The following ELP4 variants were observed in gnomAD, a reference collection of about 807,000 sequenced individuals.
ELP4 encodes elongator acetyltransferase complex subunit 4.
ELP4 carries 51 observed loss-of-function variants against 48.9 expected under a neutral mutation model. That is an observed-to-expected ratio of 1.04 (90% CI 0.83 to 1.32). The LOEUF (loss-of-function observed/expected upper bound fraction) is 1.32. ELP4 is among the 40% of genes most tolerant of loss of function. The pLI, the probability that ELP4 is intolerant of heterozygous loss-of-function variation, is 0.00. For synonymous variants in ELP4, 210 were observed against 189.2 expected, an observed-to-expected ratio of 1.11 and a Z score of -0.90; for missense variants, 519 against 514.6, an observed-to-expected ratio of 1.01 and a Z score of -0.08.
intron 5 of ELP4, among the ~76,000 whole-genome samples, chr11:31,610,519 C>T (rs544069960): frequency 2.6e-5 from 4 of 152,166 alleles, no homozygotes; most frequent in African/African-American, 4.8e-5. Context: ...TCCCTTCCCC[C>T]CTCCGTATTC....
At chr11:31,760,076 T>C (rs1947913025) in intron 9 of ELP4, among the ~76,000 whole-genome samples, 4 of 152,206 alleles carry the variant, frequency 2.6e-5, no homozygotes, top group Admixed American at 1.3e-4. Context: ...ATCTGAGATA[T>C]TGATGAGCCT....
At chr11:31,636,840 A>G (rs1030528309) in intron 7 of ELP4, among the ~76,000 whole-genome samples, 3 of 152,088 alleles carry the variant, frequency 2.0e-5, no homozygotes, top group Non-Finnish European at 2.9e-5. Flanking sequence ...TAAATTCTAA[A>G]TATCTGTTAA....
At chr11:31,592,536 TAATA>T (rs1218363563) in intron 3 of ELP4, among the ~76,000 whole-genome samples, 6 of 149,058 alleles carry the variant, frequency 4.0e-5, no homozygotes, top group Admixed American at 1.3e-4. Context: ...TATGTATATA[TAATA>T]AATCTTATAA....
chr11:31,604,336 G>A (rs185000422), intron 5 of ELP4, among the ~76,000 whole-genome samples: 14 of 151,844 alleles, frequency 9.2e-5, no homozygotes, highest in Admixed American at 2.0e-4. Flanking sequence ...TTTTCAGAGC[G>A]TAAACAAGTA....
intron 3 of ELP4, among the ~76,000 whole-genome samples, chr11:31,543,486 A>C (rs946261449): frequency 2.6e-5 from 4 of 151,916 alleles, no homozygotes; most frequent in Non-Finnish European, 5.9e-5. Flanking sequence ...TGTCCGGCTA[A>C]TTTTTTGTAT....
At chr11:31,572,263 A>G (rs2133958005) in intron 3 of ELP4, among the ~76,000 whole-genome samples, 1 of 152,328 alleles carries the variant, frequency 6.6e-6, no homozygotes, top group Middle Eastern at 3.4e-3. Flanking sequence ...AAATCTCATG[A>G]ACTAACCTCT....
chr11:31,790,204 A>G lies in ELP4; in HGVS notation c.*6680A>G. The G allele has an allele frequency of 1.7e-6, 1 of 602,842 alleles. No homozygotes were observed. Among genetic ancestry groups the G allele is most frequent in the Non-Finnish European group, 2.9e-6 (1 of 347,056 alleles). 37.3% of individuals were successfully genotyped at this position (602,842 alleles called of 1,614,324 possible). A position where few individuals can be genotyped will look rare whatever the true frequency, so the allele number is the denominator to read the frequency against. On this transcript the variant is annotated 3_prime_UTR_variant, in exon 10 of 10. Transcript: ENST00000640961. ...GTAGCACCTTCAGAAACTAGACAAT[A>G]TATGTATATATACCTATTGGATCCC...
chr11:31,638,014 T>A (rs1945016964), intron 7 of ELP4, among the ~76,000 whole-genome samples: 1 of 151,928 alleles, frequency 6.6e-6, no homozygotes, highest in South Asian at 2.1e-4. Flanking sequence ...TACCTAAAAC[T>A]GTCAGGAAAT....
chr11:31,713,450 A>G (rs1449625189), intron 9 of ELP4, among the ~76,000 whole-genome samples: 1 of 152,206 alleles, frequency 6.6e-6, no homozygotes, highest in African/African-American at 2.4e-5. Context: ...AAGTATAATG[A>G]TTATACAAAC....
Position 31,627,194 on chromosome 11 carries a change from GGTAT to G in ELP4, c.738+1_738+4del. 7.4e-7 allele frequency: 1 copy of G among 1,358,284 alleles called. No homozygotes were observed. Among genetic ancestry groups the G allele is most frequent in the East Asian group, 3.4e-5 (1 of 29,766 alleles). 84.1% of individuals were successfully genotyped at this position (1,358,284 alleles called of 1,614,324 possible). On this transcript the variant is annotated splice_donor_variant and splice_donor_region_variant and intron_variant, in intron 6 of 9. Transcript: ENST00000640961. LOFTEE classifies it high-confidence loss of function. The stretch of plus-strand genomic sequence containing the variant: ...AAGGATTTGATGGATCCAATCCTCA[GGTAT>G]TAAATAGCTTCAAAGTCTTTTATAA...
intron 9 of ELP4, among the ~76,000 whole-genome samples, chr11:31,716,225 A>G (rs1191386886): frequency 6.6e-6 from 1 of 151,990 alleles, no homozygotes; most frequent in Non-Finnish European, 1.5e-5. Context: ...GTTGCCCAGG[A>G]TGGTGTCAAA....
At chr11:31,584,890 T>G (rs1423642418) in intron 3 of ELP4, among the ~76,000 whole-genome samples, 2 of 152,172 alleles carry the variant, frequency 1.3e-5, no homozygotes, top group Non-Finnish European at 2.9e-5. Context: ...TAGGCAGTTT[T>G]TATATAGTTA....
chr11:31,649,328 A>T (rs1945273545), intron 8 of ELP4: 1 of 151,796 alleles, frequency 6.6e-6, no homozygotes, highest in African/African-American at 2.4e-5. Context: ...TTTAAATATA[A>T]GCTGAGTCAG....
intron 9 of ELP4, among the ~76,000 whole-genome samples, chr11:31,737,769 A>T (rs1025756238): frequency 1.3e-5 from 2 of 152,218 alleles, no homozygotes; most frequent in Non-Finnish European, 2.9e-5. Context: ...TGCAAATCAA[A>T]ATCATAATAA....
chr11:31,703,721 T>C (rs1946573625), intron 9 of ELP4, among the ~76,000 whole-genome samples: 1 of 152,200 alleles, frequency 6.6e-6, no homozygotes, highest in African/African-American at 2.4e-5. Context: ...CTTGTGGCAG[T>C]ATTTCACATT....
At chr11:31,769,646 C>T (rs538221548) in intron 9 of ELP4, among the ~76,000 whole-genome samples, 1 of 152,260 alleles carries the variant, frequency 6.6e-6, no homozygotes, top group Admixed American at 6.5e-5. Flanking sequence ...CAAATGTGCA[C>T]ACACATTTAT....
chr11:31,735,308 T>A (rs1947285430), intron 9 of ELP4, among the ~76,000 whole-genome samples: 1 of 152,054 alleles, frequency 6.6e-6, no homozygotes. Context: ...AAAAGCTGTA[T>A]GACATTGATC....
At chr11:31,665,264 A>G (rs1314257514) in intron 9 of ELP4, among the ~76,000 whole-genome samples, 3 of 152,158 alleles carry the variant, frequency 2.0e-5, no homozygotes, top group African/African-American at 7.2e-5. Flanking sequence ...AGGACATGGC[A>G]ACTACTCCAT....
At chr11:31,520,591 A>G (rs1956196446) in intron 2 of ELP4, among the ~76,000 whole-genome samples, 2 of 152,102 alleles carry the variant, frequency 1.3e-5, no homozygotes, top group African/African-American at 2.4e-5. Flanking sequence ...CTTTTTTAGT[A>G]TATATAGGTC....
Sources: allele counts gnomAD v4.1 joint callset (sites outside exome capture counted in the v4.1 genomes callset), GRCh38; gene constraint gnomAD v4.1.1; transcripts MANE v1.5; gene names NCBI Gene and HGNC (gene_info 2026-07-23, HGNC 2026-07-21).